Variants in FRMPD3 observed in about 807,000 individuals in gnomAD.
FRMPD3 encodes FERM and PDZ domain containing 3.
A neutral mutation model predicts 97.9 loss-of-function variants in FRMPD3; 42 were observed. The ratio of observed to expected loss-of-function variants is 0.43; its 90% CI spans 0.34 to 0.55. The LOEUF (loss-of-function observed/expected upper bound fraction) is 0.55. Among genes scored for constraint, FRMPD3 ranks in the 20% least tolerant of loss-of-function variants. The pLI is 0.03. For missense variants in FRMPD3, 1,303 were observed against 1,457.7 expected (o/e 0.89, Z 1.73); for synonymous variants, 577 against 581.1 (o/e 0.99, Z 0.10).
At position 107,509,728 on chromosome X, in the gene FRMPD3, G is replaced by A. The variant is rs749121400; in HGVS notation, c.-7-16854G>A. 6.3e-5 allele frequency among the ~76,000 whole-genome samples: 7 copies of A among 110,337 alleles called. No homozygotes were observed. The East Asian group carries it at 2.0e-3, about 32-fold the overall frequency. On this transcript the variant is annotated intron_variant, in intron 1 of 14. Transcript: ENST00000683843. Reference sequence around the variant, plus strand: ...TGCTGGGAGTCACAGCACAGTTGGGGCATAGTCTCTTCTGTGCTTACATAG... The same window carrying A: ...TGCTGGGAGTCACAGCACAGTTGGGACATAGTCTCTTCTGTGCTTACATAG...
At chrX:107,515,356 G>A in intron 1 of FRMPD3, among the ~76,000 whole-genome samples, 1 of 111,428 alleles carries the variant, frequency 9.0e-6, no homozygotes. Flanking sequence ...GCCAGGAGAG[G>A]AGAATGTTTC....
intron 1 of FRMPD3, among the ~76,000 whole-genome samples, chrX:107,524,161 A>C (rs955426155): frequency 8.9e-6 from 1 of 112,152 alleles, no homozygotes; most frequent in African/African-American, 3.2e-5. Flanking sequence ...CCTAGGGGTG[A>C]GGCAAGACGG....
chrX:107,573,714 G>C (rs1922999119), intron 12 of FRMPD3, among the ~76,000 whole-genome samples: 1 of 112,369 alleles, frequency 8.9e-6, no homozygotes, highest in Non-Finnish European at 1.9e-5. Context: ...AGTTGGGGCA[G>C]AGTCCAAATG....
intron 5 of FRMPD3, 112 bp downstream of exon 5, chrX:107,545,953 G>C: frequency 5.3e-6 from 3 of 565,690 alleles, no homozygotes; most frequent in Non-Finnish European, 8.7e-6. Context: ...GGGTTAGAGT[G>C]GGAGCGTCCA....
intron 7 of FRMPD3, 23 bp from the exon 8 acceptor site, chrX:107,554,362 C>T (rs1234421776): frequency 8.3e-7 from 1 of 1,200,408 alleles, no homozygotes; most frequent in Non-Finnish European, 1.1e-6. Context: ...CTTTTCTTCT[C>T]CCCTTTCATC....
chrX:107,537,229 A>G (rs1923280293), intron 4 of FRMPD3, among the ~76,000 whole-genome samples: 1 of 111,598 alleles, frequency 9.0e-6, no homozygotes, highest in South Asian at 3.7e-4. Context: ...GTTTCTTTTA[A>G]GACCTTGTTT....
At chrX:107,466,051 G>A (rs954771441) in intron 1 of FRMPD3, among the ~76,000 whole-genome samples, 11 of 112,067 alleles carry the variant, frequency 9.8e-5, no homozygotes, top group African/African-American at 3.2e-4. Context: ...TTGACTATAG[G>A]TCGCCATCTC....
intron 1 of FRMPD3, among the ~76,000 whole-genome samples, chrX:107,452,008 C>T (rs113438402): frequency 0.031 from 3,495 of 111,678 alleles, 155 homozygotes; most frequent in African/African-American, 0.11. Context: ...GCTCACTGCT[C>T]GGGCAAATTT....
At chrX:107,471,018 G>A (rs1431049169) in intron 1 of FRMPD3, among the ~76,000 whole-genome samples, 4 of 112,602 alleles carry the variant, frequency 3.6e-5, no homozygotes, top group African/African-American at 1.3e-4. Flanking sequence ...CGCTATGGGC[G>A]TGGCCAGGGA....
Position 107,545,932 on chromosome X carries a change from G to C in FRMPD3, c.402+91G>C. 4 of 709,594 alleles carry C rather than the reference G, an allele frequency of 5.6e-6. No homozygotes were observed. In the South Asian group the frequency reaches 9.9e-5, roughly 18 times the overall value. 58.5% of individuals were successfully genotyped at this position (709,594 alleles called of 1,213,427 possible). The stretch of plus-strand genomic sequence containing the variant: ...GCTCTGGGGCTTCTTATAGTGGACA[G>C]CTTTCCGAATGGGTTAGAGTGGGAG... On this transcript the variant is annotated intron_variant, in intron 5 of 14. Coordinates refer to ENST00000683843, the MANE Select transcript of FRMPD3 (RefSeq NM_001388459.1).
intron 1 of FRMPD3, among the ~76,000 whole-genome samples, chrX:107,451,852 G>A (rs1418463566): frequency 9.0e-6 from 1 of 111,418 alleles, no homozygotes; most frequent in Admixed American, 9.5e-5. Context: ...GTAGAGATGC[G>A]GAGTTAGAAT....
Position 107,601,858 on chromosome X carries a change from T to C in FRMPD3, c.3819T>C (p.Pro1273=). ...CCGAGTACCTGCAACCTCCAGCACC[T>C]GGCCGCTGCAGCTGCCAGCTCCGCA... ...PGTEYLQPPA[P]GRCSCQLRSS... is the part of the protein sequence containing the mutation. Residue 1273 remains proline, a synonymous_variant, in exon 15 of 15, where the codon CCT becomes CCC. Coordinates refer to ENST00000683843, the MANE Select transcript of FRMPD3 (RefSeq NM_001388459.1). The C allele has an allele frequency of 1.7e-6, 2 of 1,209,457 alleles. No individual in the cohort carries two copies. Among genetic ancestry groups the C allele is most frequent in the Non-Finnish European group, 2.2e-6 (2 of 894,736 alleles).
chrX:107,483,832 C>T (rs749986389), intron 1 of FRMPD3, among the ~76,000 whole-genome samples: 2 of 111,631 alleles, frequency 1.8e-5, no homozygotes, highest in African/African-American at 6.5e-5. Flanking sequence ...TGAGCTCCCT[C>T]TCTTGCTCTC....
At chrX:107,549,471 A>G (rs766121624) in intron 5 of FRMPD3, among the ~76,000 whole-genome samples, 12 of 111,589 alleles carry the variant, frequency 1.1e-4, no homozygotes, top group Non-Finnish European at 1.9e-4. Flanking sequence ...ATGAAGAATC[A>G]TCAGAGGTAT....
intron 1 of FRMPD3, among the ~76,000 whole-genome samples, chrX:107,458,904 G>A (rs1346761098): frequency 9.0e-6 from 1 of 111,458 alleles, no homozygotes; most frequent in Admixed American, 9.5e-5. Flanking sequence ...GGCTCTCAAG[G>A]CATCGGTGTG....
intron 14 of FRMPD3, among the ~76,000 whole-genome samples, chrX:107,599,382 C>T (rs114295869): frequency 0.029 from 3,222 of 111,833 alleles, 96 homozygotes; most frequent in African/African-American, 0.099. Context: ...CTGCCTTTTC[C>T]ATGTGTGAGG....
chrX:107,578,582 G>C (rs755908392), intron 13 of FRMPD3, among the ~76,000 whole-genome samples: 1 of 111,482 alleles, frequency 9.0e-6, no homozygotes, highest in Admixed American at 9.6e-5. Flanking sequence ...GTGTCCATGC[G>C]GGAGCCAGAT....
At chrX:107,492,696 C>T (rs1921688377) in intron 1 of FRMPD3, among the ~76,000 whole-genome samples, 1 of 112,007 alleles carries the variant, frequency 8.9e-6, no homozygotes, top group African/African-American at 3.3e-5. Flanking sequence ...GGCATGGTAA[C>T]AACATCCTCA....
At chrX:107,547,906 C>T (rs779048486) in intron 5 of FRMPD3, among the ~76,000 whole-genome samples, 10 of 111,705 alleles carry the variant, frequency 9.0e-5, no homozygotes, top group East Asian at 5.6e-4. Flanking sequence ...CACTGGGATC[C>T]GGGGCCGCTG....
Sources: allele counts gnomAD v4.1 joint callset (sites outside exome capture counted in the v4.1 genomes callset), GRCh38; gene constraint gnomAD v4.1.1; transcripts MANE v1.5; gene names NCBI Gene and HGNC (gene_info 2026-07-23, HGNC 2026-07-21).